The following BBS9 variants were observed in gnomAD, a reference collection of about 807,000 sequenced individuals.
BBS9 encodes the protein protein PTHB1.
In BBS9, 89 loss-of-function variants were observed where a neutral mutation model predicts 117.7. The observed-to-expected ratio is 0.76, with a 90% CI of 0.64 to 0.90. BBS9 has a LOEUF of 0.90. Among genes scored for constraint, BBS9 ranks in the 40% least tolerant of loss-of-function variants. BBS9 has a pLI of 0.00. For synonymous variants in BBS9, 379 were observed against 370.9 expected (o/e 1.02, Z -0.25); for missense variants, 982 against 1,042.2 (o/e 0.94, Z 0.80).
At chr7:33,404,844 C>T (rs1050427458) in intron 19 of BBS9, among the ~76,000 whole-genome samples, 2 of 152,144 alleles carry the variant, frequency 1.3e-5, no homozygotes, top group African/African-American at 2.4e-5. Context: ...ATTTCATTCT[C>T]CTGCCTAATT....
chr7:33,596,300 T>TTTA (rs1554554626), intron 21 of BBS9, among the ~76,000 whole-genome samples: 1 of 68,284 alleles, frequency 1.5e-5, no homozygotes. Context: ...ACACACACAC[T>TTTA]TATATATGTG....
At chr7:33,334,673 G>C (rs79102102) in intron 9 of BBS9, among the ~76,000 whole-genome samples, 2,445 of 152,166 alleles carry the variant, frequency 0.016, 66 homozygotes, top group African/African-American at 0.056. Flanking sequence ...TGGACTATTT[G>C]TTTTCTGAGG....
chr7:33,559,028 C>T lies in BBS9; in HGVS notation c.2521+24852C>T, dbSNP rs1471235888. Among the ~76,000 whole-genome samples the T allele has an allele frequency of 3.3e-5, 5 of 152,174 alleles. No homozygotes were observed. In the East Asian group the frequency reaches 5.8e-4, roughly 18 times the overall value. On this transcript the variant is annotated intron_variant, in intron 21 of 22. Transcript: ENST00000242067. Reference sequence around the variant, plus strand: ...ATTAATGCCTTGATGTGCAGACTTACGACTAGCTTCTTGTGTTGAAACCAT... The same window carrying T: ...ATTAATGCCTTGATGTGCAGACTTATGACTAGCTTCTTGTGTTGAAACCAT...
chr7:33,203,880 G>A (rs1037047999), intron 5 of BBS9, among the ~76,000 whole-genome samples: 7 of 151,178 alleles, frequency 4.6e-5, no homozygotes, highest in South Asian at 2.1e-4. Flanking sequence ...GTGACACCAC[G>A]CCCGTCTAAT....
intron 5 of BBS9, among the ~76,000 whole-genome samples, chr7:33,237,234 GT>G (rs930364832): frequency 5.3e-5 from 8 of 152,040 alleles, no homozygotes; most frequent in African/African-American, 1.9e-4. Context: ...GTTTTATGTT[GT>G]TTTACATAAA....
chr7:33,577,595 AC>A (rs1859139305), intron 21 of BBS9, among the ~76,000 whole-genome samples: 1 of 152,190 alleles, frequency 6.6e-6, no homozygotes, highest in Non-Finnish European at 1.5e-5. Flanking sequence ...ATAAAGACAC[AC>A]GCACACGTAT....
At chr7:33,162,562 G>T (rs541802667) in intron 4 of BBS9, among the ~76,000 whole-genome samples, 35 of 152,176 alleles carry the variant, frequency 2.3e-4, no homozygotes, top group Non-Finnish European at 4.4e-5. Context: ...TTGTAAGTTG[G>T]ATTCTTAGGT....
intron 19 of BBS9, among the ~76,000 whole-genome samples, chr7:33,492,825 T>A (rs1007564996): frequency 3.7e-5 from 4 of 108,478 alleles, no homozygotes; most frequent in African/African-American, 1.1e-4. Flanking sequence ...TGTGTGTGTG[T>A]GTGTGTGTGT....
At chr7:33,295,141 G>T (rs942625309) in intron 9 of BBS9, among the ~76,000 whole-genome samples, 2 of 152,072 alleles carry the variant, frequency 1.3e-5, no homozygotes, top group Non-Finnish European at 2.9e-5. Flanking sequence ...TACTGCTAAG[G>T]CAAGCATACG....
At chr7:33,451,392 C>G (rs1262819139) in intron 19 of BBS9, among the ~76,000 whole-genome samples, 1 of 152,096 alleles carries the variant, frequency 6.6e-6, no homozygotes, top group African/African-American at 2.4e-5. Flanking sequence ...AATACAGGCC[C>G]TATTTCCCTC....
intron 9 of BBS9, among the ~76,000 whole-genome samples, chr7:33,325,665 A>G (rs1328839480): frequency 6.6e-6 from 1 of 152,118 alleles, no homozygotes; most frequent in Non-Finnish European, 1.5e-5. Flanking sequence ...GGGTGTTACA[A>G]TCTAGATTTT....
rs758753524 is a variant in BBS9, at chr7:33,190,891, ATAAT to A, written c.442+13304_442+13307del. The stretch of plus-strand genomic sequence containing the variant: ...TGGATTTCCAGAGGAATATCAGTGA[ATAAT>A]TAACTGTGGTGAATCTGAGGACTTT... On this transcript the variant is annotated intron_variant, in intron 5 of 22. Coordinates refer to ENST00000242067, the MANE Select transcript of BBS9 (RefSeq NM_198428.3). Among the ~76,000 whole-genome samples, 65 of 152,246 alleles carry A rather than the reference ATAAT, an allele frequency of 4.3e-4. 1 individual carries two copies. Among genetic ancestry groups the A allele is most frequent in the Non-Finnish European group, 1.5e-5 (1 of 68,040 alleles).
At chr7:33,475,308 C>T (rs1253566529) in intron 19 of BBS9, among the ~76,000 whole-genome samples, 3 of 152,194 alleles carry the variant, frequency 2.0e-5, no homozygotes, top group Admixed American at 2.0e-4. Flanking sequence ...AGTTTGCTAA[C>T]CCCTGGAACC....
intron 5 of BBS9, among the ~76,000 whole-genome samples, chr7:33,255,954 G>A (rs1461136857): frequency 2.6e-5 from 4 of 151,894 alleles, no homozygotes; most frequent in Non-Finnish European, 4.4e-5. Context: ...TCAAGAGATC[G>A]AGACCATCCT....
intron 19 of BBS9, among the ~76,000 whole-genome samples, chr7:33,474,855 G>A (rs769794026): frequency 7.9e-5 from 12 of 152,176 alleles, no homozygotes; most frequent in African/African-American, 2.9e-4. Context: ...CTGAGGCAGA[G>A]AATTGCTTGA....
chr7:33,428,237 A>G (rs1237136999), intron 19 of BBS9, among the ~76,000 whole-genome samples: 1 of 152,210 alleles, frequency 6.6e-6, no homozygotes, highest in Non-Finnish European at 1.5e-5. Context: ...ATAGTAGGAT[A>G]GATTTTAGTC....
At chr7:33,399,675 G>A (rs574419184) in intron 19 of BBS9, among the ~76,000 whole-genome samples, 86 of 152,232 alleles carry the variant, frequency 5.6e-4, no homozygotes, top group Middle Eastern at 3.4e-3. Flanking sequence ...AAATCAATGG[G>A]GACTTAGGGA....
rs780225260 is a variant in BBS9, at chr7:33,357,998, A to T, written c.1693+3A>T. 6.2e-7 allele frequency: 1 copy of T among 1,611,506 alleles called. No individual in the cohort carries two copies. The highest frequency in any genetic ancestry group is 8.5e-7 in the Non-Finnish European group (1 of 1,178,302). ...CAGTCTTCTTAGTCTCTTCCCAGGTAAGACTGTTGAAATAACATGCCTGCA... is the reference window on the plus strand; with the variant it reads ...CAGTCTTCTTAGTCTCTTCCCAGGTTAGACTGTTGAAATAACATGCCTGCA... On this transcript the variant is annotated splice_donor_region_variant and intron_variant, in intron 16 of 22. Coordinates refer to ENST00000242067, the MANE Select transcript of BBS9 (RefSeq NM_198428.3).
intron 1 of BBS9, among the ~76,000 whole-genome samples, chr7:33,135,543 A>G (rs1480229329): frequency 3.3e-5 from 5 of 152,186 alleles, no homozygotes; most frequent in Non-Finnish European, 4.4e-5. Context: ...GTTTATGTCT[A>G]TCCTTATGCT....
Sources: allele counts gnomAD v4.1 joint callset (sites outside exome capture counted in the v4.1 genomes callset), GRCh38; gene constraint gnomAD v4.1.1; transcripts MANE v1.5; gene names NCBI Gene and HGNC (gene_info 2026-07-23, HGNC 2026-07-21).